The following COL25A1 variants were observed in gnomAD, a reference collection of about 807,000 sequenced individuals.
The protein encoded by COL25A1 is collagen type XXV alpha 1 chain.
In COL25A1, 103 loss-of-function variants were observed where a neutral mutation model predicts 128.4. The ratio of observed to expected loss-of-function variants is 0.80; its 90% CI spans 0.68 to 0.94. The LOEUF (loss-of-function observed/expected upper bound fraction) is 0.94. Ranked by LOEUF, COL25A1 falls within the 40% of genes least tolerant of loss-of-function variation. The pLI is 0.00. For missense variants in COL25A1, 745 were observed against 840.0 expected (o/e 0.89, Z 1.40); for synonymous variants, 279 against 277.2 (o/e 1.01, Z -0.06).
In COL25A1 at chr4:108,809,791, A is replaced by G. The variant is rs1730653291; in HGVS notation, c.*4136T>C. ...TAGGGACTGACAGTCCTCCTAGCCT[A>G]AAACAATTTAGCATAATCATAATTG... On this transcript the variant is annotated 3_prime_UTR_variant, in exon 38 of 38. Coordinates refer to ENST00000399132, the MANE Select transcript of COL25A1 (RefSeq NM_198721.4). 6.6e-6 allele frequency: 1 copy of G among 152,002 alleles called. No homozygotes were observed. 9.4% of individuals were successfully genotyped at this position (152,002 alleles called of 1,614,324 possible). A position where few individuals can be genotyped will look rare whatever the true frequency, so the allele number is the denominator to read the frequency against.
intron 3 of COL25A1, among the ~76,000 whole-genome samples, chr4:109,207,479 A>G (rs749239226): frequency 5.3e-5 from 8 of 152,178 alleles, no homozygotes; most frequent in Non-Finnish European, 1.0e-4. Context: ...TGAGGTTTCT[A>G]TCACTGACAA....
At chr4:109,090,712 G>A (rs1350422781) in intron 3 of COL25A1, among the ~76,000 whole-genome samples, 1 of 152,094 alleles carries the variant, frequency 6.6e-6, no homozygotes, top group East Asian at 1.9e-4. Context: ...AATATTATCA[G>A]TTTAAAATTC....
chr4:108,862,590 G>A, intron 21 of COL25A1, 45 bp from the exon 22 acceptor site: 1 of 1,522,218 alleles, frequency 6.6e-7, no homozygotes, highest in Non-Finnish European at 9.1e-7. Flanking sequence ...AATTATAGAA[G>A]AGATAAGAAC....
At chr4:108,984,865 C>A (rs1302129832) in intron 6 of COL25A1, among the ~76,000 whole-genome samples, 1 of 152,212 alleles carries the variant, frequency 6.6e-6, no homozygotes, top group Non-Finnish European at 1.5e-5. Context: ...GCAGAGGAAG[C>A]GCCAAGAGCC....
intron 3 of COL25A1, among the ~76,000 whole-genome samples, chr4:109,242,648 C>T (rs1340606513): frequency 6.6e-6 from 1 of 152,048 alleles, no homozygotes; most frequent in Non-Finnish European, 1.5e-5. Flanking sequence ...TGCATTTAGA[C>T]ACCAACACTT....
chr4:108,986,931 T>C (rs1173416156), intron 6 of COL25A1, among the ~76,000 whole-genome samples: 1 of 152,114 alleles, frequency 6.6e-6, no homozygotes, highest in Non-Finnish European at 1.5e-5. Flanking sequence ...CAGCAAAAAC[T>C]AAACAAAACA....
chr4:108,819,964 G>T, intron 35 of COL25A1: 1 of 785,110 alleles, frequency 1.3e-6, no homozygotes, highest in Non-Finnish European at 1.7e-6. Context: ...TAATTCAAAA[G>T]ATGGTTTAGG....
At chr4:108,962,333 G>A (rs75585531) in intron 8 of COL25A1, among the ~76,000 whole-genome samples, 8,801 of 151,886 alleles carry the variant, frequency 0.058, 785 homozygotes, top group East Asian at 0.28. Context: ...GACTATAGGC[G>A]CTACGACCAG....
chr4:109,043,120 T>TCTC (rs3037567), intron 5 of COL25A1, among the ~76,000 whole-genome samples: 76,149 of 151,476 alleles, frequency 0.5, 21,204 homozygotes, highest in African/African-American at 0.73. Flanking sequence ...TGCTCACCCT[T>TCTC]CTCTGTAAAA....
Position 108,862,496 on chromosome 4 carries a change from C to CTT in COL25A1, c.1197+4_1197+5insAA, listed in dbSNP as rs1560766414. On this transcript the variant is annotated splice_donor_region_variant and intron_variant, in intron 22 of 37. Transcript: ENST00000399132. ...TTATATTTAAATGGTTATCTGGTTA[C>CTT]TGACCTTTGACCCCTTTGGGCCTCT... is the stretch of plus-strand genomic sequence containing the variant. The CTT allele has an allele frequency of 5.0e-6, 8 of 1,607,622 alleles. No individual in the cohort carries two copies. The highest frequency in any genetic ancestry group is 6.8e-6 in the Non-Finnish European group (8 of 1,174,154).
chr4:108,922,788 A>G (rs1745621746), intron 11 of COL25A1, among the ~76,000 whole-genome samples: 1 of 152,230 alleles, frequency 6.6e-6, no homozygotes, highest in South Asian at 2.1e-4. Context: ...CTCTAAAAAT[A>G]AAAGCAGTTT....
chr4:109,001,372 C>CAGGCATCTGAGATCCAGTCAGGT (rs1755350691), intron 6 of COL25A1, among the ~76,000 whole-genome samples: 1 of 24,146 alleles, frequency 4.1e-5, no homozygotes, highest in African/African-American at 8.5e-5. Context: ...TTAAAAGAAA[C>CAGGCATCTGAGATCCAGTCAGGT]AGGCATCTGA....
At chr4:109,167,476 C>G (rs771978009) in intron 3 of COL25A1, among the ~76,000 whole-genome samples, 1 of 151,968 alleles carries the variant, frequency 6.6e-6, no homozygotes, top group Non-Finnish European at 1.5e-5. Flanking sequence ...AGGAAAAATA[C>G]TTACTGTGCC....
chr4:109,201,431 A>C (rs1186864205), intron 3 of COL25A1, among the ~76,000 whole-genome samples: 1 of 152,208 alleles, frequency 6.6e-6, no homozygotes, highest in Non-Finnish European at 1.5e-5. Flanking sequence ...ATTTGACAAA[A>C]TCCAACACCT....
At chr4:108,860,993 A>G in intron 22 of COL25A1, 22 bp from the exon 23 acceptor site, 1 of 1,611,006 alleles carries the variant, frequency 6.2e-7, no homozygotes, top group Non-Finnish European at 8.5e-7. Flanking sequence ...GGAAAGAGAA[A>G]AAACTTAATC....
At chr4:109,285,977 A>G (rs1258828981) in intron 3 of COL25A1, among the ~76,000 whole-genome samples, 1 of 152,196 alleles carries the variant, frequency 6.6e-6, no homozygotes, top group Non-Finnish European at 1.5e-5. Context: ...CCACATATAC[A>G]GCTTGAGGCT....
chr4:108,919,555 C>G (rs1745257147), intron 12 of COL25A1, among the ~76,000 whole-genome samples: 1 of 152,060 alleles, frequency 6.6e-6, no homozygotes, highest in African/African-American at 2.4e-5. Context: ...AGAATAATCA[C>G]TTTTCCACCT....
chr4:109,045,380 G>T (rs1032737952), intron 5 of COL25A1, among the ~76,000 whole-genome samples: 2 of 152,024 alleles, frequency 1.3e-5, no homozygotes, highest in Non-Finnish European at 2.9e-5. Flanking sequence ...AATAGGAATA[G>T]TCCCTAGAAA....
chr4:109,174,864 C>T (rs1477253729), intron 3 of COL25A1, among the ~76,000 whole-genome samples: 3 of 152,192 alleles, frequency 2.0e-5, no homozygotes, highest in African/African-American at 7.2e-5. Context: ...GGAACTGGGC[C>T]TCGCAGCAGG....
Sources: allele counts gnomAD v4.1 joint callset (sites outside exome capture counted in the v4.1 genomes callset), GRCh38; gene constraint gnomAD v4.1.1; transcripts MANE v1.5; gene names NCBI Gene and HGNC (gene_info 2026-07-23, HGNC 2026-07-21).